MAPK14: variants seen among roughly 807,000 people sequenced by gnomAD.
The protein encoded by MAPK14 is CSAID-binding protein.
In MAPK14, 16 loss-of-function variants were observed where a neutral mutation model predicts 49.6. That is an observed-to-expected ratio of 0.32 (90% confidence interval 0.22 to 0.49). The LOEUF (loss-of-function observed/expected upper bound fraction) is 0.49. MAPK14 is among the 20% of genes least tolerant of loss of function. The probability of loss-of-function intolerance (pLI) is 0.99; values close to 1 mark genes in which losing one functional copy is unlikely to be tolerated. For synonymous variants in MAPK14, 142 were observed against 158.0 expected (o/e 0.90, Z 0.76); for missense variants, 200 against 441.2 (o/e 0.45, Z 4.90).
rs1381393847 is a variant in MAPK14, at chr6:36,065,176, T to G, written c.305+5829T>G. Among the ~76,000 whole-genome samples the G allele has an allele frequency of 3.3e-5, 5 of 152,250 alleles. No homozygotes were observed. In the East Asian group the frequency reaches 9.6e-4, roughly 29 times the overall value. On this transcript the variant is annotated intron_variant, in intron 3 of 11. Coordinates refer to ENST00000229794, the MANE Select transcript of MAPK14 (RefSeq NM_139012.3). Reference sequence around the variant, plus strand: ...GTTTACTCCTTACCCTGCTTTGTTCTTAGCAAATTTTGTTATTGTCTGTCT... The same window carrying G: ...GTTTACTCCTTACCCTGCTTTGTTCGTAGCAAATTTTGTTATTGTCTGTCT...
At chr6:36,080,328 A>G (rs1764704247) in intron 8 of MAPK14, among the ~76,000 whole-genome samples, 1 of 152,116 alleles carries the variant, frequency 6.6e-6, no homozygotes, top group Non-Finnish European at 1.5e-5. Flanking sequence ...GAATTTTTTC[A>G]TCACCGCAGA....
At chr6:36,113,028 T>C (rs966665032), downstream of MAPK14, among the ~76,000 whole-genome samples, 1 of 152,210 alleles carries the variant, frequency 6.6e-6, no homozygotes, top group Non-Finnish European at 1.5e-5. Context: ...CTATATAATT[T>C]GGTAGCTGCA....
intron 3 of MAPK14, 31 bp downstream of exon 3, chr6:36,059,378 G>T (rs1364578672): frequency 1.3e-6 from 2 of 1,521,518 alleles, no homozygotes; most frequent in Admixed American, 3.3e-5. Context: ...TGCCTTCCTG[G>T]TCTACAGAAT....
chr6:36,096,156 AAGCACACATGCCCTT>A (rs1324552083), intron 9 of MAPK14, 90 bp downstream of exon 9: 1 of 873,418 alleles, frequency 1.1e-6, no homozygotes, highest in African/African-American at 1.7e-5. Context: ...GTGTGTTTGT[AAGCACACATGCCCTT>A]TGTGTGCTGA....
intron 8 of MAPK14, among the ~76,000 whole-genome samples, chr6:36,087,139 C>T (rs1765017714): frequency 6.6e-6 from 1 of 152,168 alleles, no homozygotes; most frequent in African/African-American, 2.4e-5. Flanking sequence ...GTTGATGGAA[C>T]ATACCTCAAA....
intron 3 of MAPK14, among the ~76,000 whole-genome samples, chr6:36,063,503 T>A (rs1224983711): frequency 1.3e-5 from 2 of 152,018 alleles, no homozygotes; most frequent in African/African-American, 4.8e-5. Flanking sequence ...GGTGAGAGGA[T>A]CATTTGAGCC....
rs1046821245 is a variant in MAPK14, at chr6:36,109,817, CTG to C, written c.*1372_*1373del. On this transcript the variant is annotated 3_prime_UTR_variant, in exon 12 of 12. Coordinates refer to ENST00000229794, the MANE Select transcript of MAPK14 (RefSeq NM_139012.3). ...CCCATAAGGCCAGAAACTCCTTTTG[CTG>C]TCTTTCTCTAAATATGATTACTTTA... 2 of 152,614 alleles carry C rather than the reference CTG, an allele frequency of 1.3e-5. No individual in the cohort carries two copies. The highest frequency in any genetic ancestry group is 4.8e-5 in the African/African-American group (2 of 41,434). 9.5% of individuals were successfully genotyped at this position (152,614 alleles called of 1,614,324 possible).
intron 10 of MAPK14, among the ~76,000 whole-genome samples, chr6:36,104,691 G>T (rs374302790): frequency 6.6e-6 from 1 of 152,100 alleles, no homozygotes; most frequent in African/African-American, 2.4e-5. Context: ...CCAGCCCGTC[G>T]TGTTCTTTCT....
At chr6:36,114,745 TA>T (rs528855842), downstream of MAPK14, among the ~76,000 whole-genome samples, 1 of 151,218 alleles carries the variant, frequency 6.6e-6, no homozygotes, top group African/African-American at 2.4e-5. Context: ...TTTCATTTCT[TA>T]AAAAAAAACA....
chr6:36,119,492 GA>G, the MAPK14 span, among the ~76,000 whole-genome samples: 1 of 152,022 alleles, frequency 6.6e-6, no homozygotes, highest in African/African-American at 2.4e-5. Flanking sequence ...GTAATAGCAG[GA>G]AAAAATGGGA....
intron 8 of MAPK14, among the ~76,000 whole-genome samples, chr6:36,081,524 GA>G (rs1284218524): frequency 6.6e-6 from 1 of 152,048 alleles, no homozygotes; most frequent in Non-Finnish European, 1.5e-5. Context: ...CTGTTTCTTA[GA>G]AATTTGGTAT....
At chr6:36,073,222 C>G (rs1370082351) in intron 4 of MAPK14, 1 of 510,092 alleles carries the variant, frequency 2.0e-6, no homozygotes, top group Non-Finnish European at 3.5e-6. Flanking sequence ...TAAAGCAAGT[C>G]TAGACATTAT....
In MAPK14 at chr6:36,107,557, A is replaced by G. The variant is rs1195668384; in HGVS notation, c.944A>G (p.Asp315Gly). Reference protein sequence around the residue: ...HAYFAQYHDPDDEPVADPYDQ... With the variant: ...HAYFAQYHDPGDEPVADPYDQ... ...TACTTTGCTCAGTACCACGATCCTG[A>G]TGATGAACCAGTGGCCGATCCTTAT... The change falls in exon 11 of 12, where the codon GAT becomes GGT. Residue 315 changes from aspartate (D) to glycine (G), a missense_variant. Asp to Gly is a moderately conservative substitution (Grantham distance 94, BLOSUM62 -1). Around this residue, in one of 2 missense-constraint regions of MAPK14, gnomAD observed 170 missense variants for 407.0 expected, o/e 0.42. Coordinates refer to ENST00000229794, the MANE Select transcript of MAPK14 (RefSeq NM_139012.3). The surrounding 1 kb of genome is among the most constrained non-coding windows in gnomAD (Gnocchi z 4.3). 1.1e-5 allele frequency: 18 copies of G among 1,606,654 alleles called. No individual in the cohort carries two copies. The highest frequency in any genetic ancestry group is 1.5e-5 in the Non-Finnish European group (18 of 1,176,520).
At chr6:36,056,751 A>G (rs1763604870) in intron 2 of MAPK14, among the ~76,000 whole-genome samples, 1 of 152,244 alleles carries the variant, frequency 6.6e-6, no homozygotes, top group Non-Finnish European at 1.5e-5. Context: ...AAATAGTTTT[A>G]AACTTTTCTA....
rs1762378569 is a variant in MAPK14, at chr6:36,028,097, G to T, written c.-61G>T. The T allele has an allele frequency of 4.4e-6, 5 of 1,149,420 alleles. No homozygotes were observed. The highest frequency in any genetic ancestry group is 6.5e-6 in the Non-Finnish European group (5 of 766,206). The allele number at this position is 1,149,420 out of a possible 1,614,324, so 71.2% of individuals were successfully genotyped here. On this transcript the variant is annotated 5_prime_UTR_variant, in exon 1 of 12. Transcript: ENST00000229794. This position sits in a 1 kb window ranked among gnomAD's most constrained non-coding sequence, Gnocchi z 5.1. ...GCGGGCAGCAAGGGCCGGGGAGAGG[G>T]TGCGGGTGCAGGCGGGGGCCCCACA...
chr6:36,057,777 T>C (rs1417714433), intron 2 of MAPK14, among the ~76,000 whole-genome samples: 1 of 152,158 alleles, frequency 6.6e-6, no homozygotes, highest in Non-Finnish European at 1.5e-5. Flanking sequence ...AATTAGAAGA[T>C]CTTTTTCATG....
chr6:36,036,183 C>G (rs913806251), intron 1 of MAPK14, among the ~76,000 whole-genome samples: 4 of 149,516 alleles, frequency 2.7e-5, no homozygotes, highest in African/African-American at 9.9e-5. Flanking sequence ...TTGCAGTGAG[C>G]CACTGCAACC....
intron 10 of MAPK14, among the ~76,000 whole-genome samples, chr6:36,106,196 CT>C (rs1219207600): frequency 6.6e-6 from 1 of 152,144 alleles, no homozygotes; most frequent in East Asian, 1.9e-4. Context: ...TAACCTGATT[CT>C]TACCAAAATT....
intron 2 of MAPK14, among the ~76,000 whole-genome samples, chr6:36,058,595 C>G (rs1253996084): frequency 1.3e-5 from 2 of 152,066 alleles, no homozygotes; most frequent in Non-Finnish European, 2.9e-5. Flanking sequence ...TGAATTAGTT[C>G]CTATTAAAAT....
Sources: allele counts gnomAD v4.1 joint callset (sites outside exome capture counted in the v4.1 genomes callset), GRCh38; gene constraint gnomAD v4.1.1; regional missense constraint gnomAD v4.1.1; non-coding constraint Gnocchi (gnomAD v3.1); transcripts MANE v1.5; gene names NCBI Gene and HGNC (gene_info 2026-07-23, HGNC 2026-07-21).